ANGPT1: variants seen among roughly 807,000 people sequenced by gnomAD.
ANGPT1 encodes the protein angiopoietin-1.
A neutral mutation model predicts 62.2 loss-of-function variants in ANGPT1; 17 were observed. That is an observed-to-expected ratio of 0.27 (90% CI 0.19 to 0.41). The LOEUF (loss-of-function observed/expected upper bound fraction) is 0.41, where lower values mean the gene tolerates loss of function less well. Among genes scored for constraint, ANGPT1 ranks in the 10% least tolerant of loss-of-function variants. The pLI is 1.00. For synonymous variants in ANGPT1, 199 were observed against 198.9 expected, an observed-to-expected ratio of 1.00 and a Z score of 0.00; for missense variants, 478 against 594.9, an observed-to-expected ratio of 0.80 and a Z score of 2.04.
chr8:107,475,923 A>C (rs1348215108), intron 1 of ANGPT1, among the ~76,000 whole-genome samples: 1 of 152,238 alleles, frequency 6.6e-6, no homozygotes, highest in Non-Finnish European at 1.5e-5. Flanking sequence ...ATCATTAAAA[A>C]GTCAGTAAAC....
intron 4 of ANGPT1, among the ~76,000 whole-genome samples, chr8:107,314,537 A>T (rs1321059104): frequency 5.3e-5 from 8 of 152,222 alleles, no homozygotes. Context: ...AAAAAGGAGA[A>T]ATATACCATT....
At chr8:107,419,836 T>A (rs1810850592) in intron 1 of ANGPT1, among the ~76,000 whole-genome samples, 1 of 152,170 alleles carries the variant, frequency 6.6e-6, no homozygotes. Flanking sequence ...TTGACTAATT[T>A]CGTAGGGTTT....
intron 2 of ANGPT1, among the ~76,000 whole-genome samples, chr8:107,344,889 G>C (rs1256129758): frequency 6.6e-6 from 1 of 152,164 alleles, no homozygotes; most frequent in Non-Finnish European, 1.5e-5. Context: ...GATTACTTTT[G>C]TAAACTTGGC....
At chr8:107,451,259 T>C (rs1811771688) in intron 1 of ANGPT1, among the ~76,000 whole-genome samples, 2 of 151,324 alleles carry the variant, frequency 1.3e-5, no homozygotes, top group African/African-American at 4.8e-5. Flanking sequence ...GGGTTAAAAA[T>C]GAAGAGAGAA....
At chr8:107,349,554 A>G (rs1815888378) in intron 1 of ANGPT1, among the ~76,000 whole-genome samples, 1 of 152,182 alleles carries the variant, frequency 6.6e-6, no homozygotes, top group African/African-American at 2.4e-5. Flanking sequence ...GCTGACAGTT[A>G]TCATTGCCTA....
At chr8:107,387,077 C>T (rs1276601783) in intron 1 of ANGPT1, among the ~76,000 whole-genome samples, 1 of 151,980 alleles carries the variant, frequency 6.6e-6, no homozygotes, top group Non-Finnish European at 1.5e-5. Context: ...TATAAAAACC[C>T]ATAACTGAAA....
At chr8:107,419,007 T>G (rs1810825561) in intron 1 of ANGPT1, among the ~76,000 whole-genome samples, 1 of 152,194 alleles carries the variant, frequency 6.6e-6, no homozygotes, top group African/African-American at 2.4e-5. Flanking sequence ...TAAACCAGTA[T>G]CCTAAAGCCA....
chr8:107,429,707 T>C (rs1472299921), intron 1 of ANGPT1, among the ~76,000 whole-genome samples: 2 of 151,140 alleles, frequency 1.3e-5, no homozygotes, highest in African/African-American at 4.9e-5. Flanking sequence ...AGTTAGTTTT[T>C]GGATTGCTTT....
At chr8:107,456,043 C>T (rs573655554) in intron 1 of ANGPT1, among the ~76,000 whole-genome samples, 1 of 152,138 alleles carries the variant, frequency 6.6e-6, no homozygotes, top group Admixed American at 6.6e-5. Flanking sequence ...ATCAGCACAT[C>T]AGCAGATGAG....
chr8:107,460,015 C>T (rs772022818), intron 1 of ANGPT1, among the ~76,000 whole-genome samples: 3 of 152,176 alleles, frequency 2.0e-5, no homozygotes, highest in African/African-American at 4.8e-5. Flanking sequence ...TATGAAAACA[C>T]GCTGAAAGCA....
intron 7 of ANGPT1, among the ~76,000 whole-genome samples, chr8:107,272,204 A>G (rs1257659021): frequency 1.3e-5 from 2 of 152,102 alleles, no homozygotes; most frequent in Admixed American, 1.3e-4. Flanking sequence ...GTGTGAAAAA[A>G]TATGAAAAAT....
In ANGPT1 at chr8:107,297,247, G is replaced by A. The variant is rs148556528; in HGVS notation, c.937-3210C>T. On this transcript the variant is annotated intron_variant, in intron 5 of 8. Coordinates refer to ENST00000517746, the MANE Select transcript of ANGPT1 (RefSeq NM_001146.5). ...CTTATGCAGACTTAATAACATCAAT[G>A]ATAACAGCTGCTCTTTGTGTTATAT... 7.8e-3 allele frequency among the ~76,000 whole-genome samples: 1,182 copies of A among 152,074 alleles called. 10 individuals carry two copies. Among genetic ancestry groups the A allele is most frequent in the South Asian group, 0.029 (138 of 4,822 alleles).
intron 4 of ANGPT1, among the ~76,000 whole-genome samples, chr8:107,311,645 C>T (rs1239213635): frequency 6.6e-6 from 1 of 152,184 alleles, no homozygotes; most frequent in Admixed American, 6.5e-5. Context: ...AATATCAATT[C>T]TACATATTTG....
At position 107,403,458 on chromosome 8, in the gene ANGPT1, G is replaced by T. The variant is rs559318004; in HGVS notation, c.298-56361C>A. On this transcript the variant is annotated intron_variant, in intron 1 of 8. Coordinates refer to ENST00000517746, the MANE Select transcript of ANGPT1 (RefSeq NM_001146.5). ...GAGAGGCTAATTACACTGGCAATCA[G>T]TTGGGCCTGGCAGAAATTTTGGTGT... 3.5e-4 allele frequency among the ~76,000 whole-genome samples: 53 copies of T among 152,266 alleles called. No homozygotes were observed. In the South Asian group the frequency reaches 0.011, roughly 32 times the overall value.
At chr8:107,298,221 T>C (rs1046866788) in intron 5 of ANGPT1, among the ~76,000 whole-genome samples, 4 of 151,958 alleles carry the variant, frequency 2.6e-5, no homozygotes, top group African/African-American at 9.7e-5. Context: ...TCCATAGAAG[T>C]TGGAATGATT....
intron 1 of ANGPT1, among the ~76,000 whole-genome samples, chr8:107,429,675 C>G (rs868092443): frequency 1.5e-5 from 2 of 133,682 alleles, no homozygotes; most frequent in African/African-American, 2.7e-5. Context: ...AAAAAGTCGA[C>G]TCTGCTGGGT....
intron 1 of ANGPT1, among the ~76,000 whole-genome samples, chr8:107,372,795 C>T (rs1393479639): frequency 6.6e-6 from 1 of 151,350 alleles, no homozygotes; most frequent in Admixed American, 6.6e-5. Context: ...TTACATTTTC[C>T]TCTGGATTTT....
At chr8:107,490,928 TAGAG>T (rs1487359366) in intron 1 of ANGPT1, among the ~76,000 whole-genome samples, 11 of 152,222 alleles carry the variant, frequency 7.2e-5, no homozygotes, top group African/African-American at 2.4e-4. Flanking sequence ...TGACCCTTGA[TAGAG>T]AGGATGGAAA....
chr8:107,334,799 G>T (rs1221493567), intron 3 of ANGPT1, among the ~76,000 whole-genome samples: 1 of 152,128 alleles, frequency 6.6e-6, no homozygotes, highest in Non-Finnish European at 1.5e-5. Flanking sequence ...CTGTGAAATT[G>T]CAGGAGAATA....
Sources: allele counts gnomAD v4.1 joint callset (sites outside exome capture counted in the v4.1 genomes callset), GRCh38; gene constraint gnomAD v4.1.1; transcripts MANE v1.5; gene names NCBI Gene and HGNC (gene_info 2026-07-23, HGNC 2026-07-21).